Variants in VPS53 observed in about 807,000 individuals in gnomAD.
VPS53 encodes vacuolar protein sorting-associated protein 53 homolog.
Under a neutral mutation model 107.0 loss-of-function variants are expected in VPS53, and 70 were observed. The observed-to-expected ratio is 0.65, with a 90% CI of 0.54 to 0.80. The LOEUF (loss-of-function observed/expected upper bound fraction) is 0.80, where lower values mean the gene tolerates loss of function less well. VPS53 is among the 30% of genes least tolerant of loss of function. The pLI is 0.00. For synonymous variants in VPS53, 409 were observed against 393.3 expected, an observed-to-expected ratio of 1.04 and a Z score of -0.47; for missense variants, 917 against 1,049.4, an observed-to-expected ratio of 0.87 and a Z score of 1.74.
At chr17:690,016 G>A (rs1972724691) in intron 4 of VPS53, among the ~76,000 whole-genome samples, 1 of 151,978 alleles carries the variant, frequency 6.6e-6, no homozygotes, top group South Asian at 2.1e-4. Context: ...CTGTTTTTTG[G>A]GTCTGGCACT....
intron 4 of VPS53, 143 bp from the exon 5 acceptor site, chr17:662,038 A>C (rs1658191671): frequency 8.5e-6 from 6 of 707,270 alleles, no homozygotes; most frequent in Non-Finnish European, 1.4e-5. Flanking sequence ...TTCTGGACCA[A>C]AATAGTAGAG....
intron 11 of VPS53, among the ~76,000 whole-genome samples, chr17:607,819 C>A (rs1968655553): frequency 6.6e-6 from 1 of 152,106 alleles, no homozygotes; most frequent in African/African-American, 2.4e-5. Flanking sequence ...GGATTCCCAG[C>A]ACCTTCAAAA....
chr17:711,357 A>C (rs572516373), intron 1 of VPS53, among the ~76,000 whole-genome samples: 1 of 152,252 alleles, frequency 6.6e-6, no homozygotes, highest in Non-Finnish European at 1.5e-5. Flanking sequence ...AAGCAACTTC[A>C]TCTCTGAAGA....
In VPS53 at chr17:589,202, G is replaced by A. The variant is rs1035485587; in HGVS notation, c.1219-2838C>T. 2.0e-5 allele frequency among the ~76,000 whole-genome samples: 3 copies of A among 151,418 alleles called. No homozygotes were observed. The East Asian group carries it at 5.8e-4, about 29-fold the overall frequency. On this transcript the variant is annotated intron_variant, in intron 12 of 21. Coordinates refer to ENST00000437048, the MANE Select transcript of VPS53 (RefSeq NM_001128159.3). ...TGTTAACATTTAAAAAAATCAACGT[G>A]TATATTTTGCTTTTTTTTTAAATTT...
At chr17:675,316 CG>C (rs1165284266) in intron 4 of VPS53, 16 of 152,154 alleles carry the variant, frequency 1.1e-4, no homozygotes, top group Admixed American at 1.0e-3. Context: ...ACGGTTATCA[CG>C]GAAGTAGGAG....
chr17:709,163 C>A (rs1973535686), intron 2 of VPS53, among the ~76,000 whole-genome samples: 1 of 146,376 alleles, frequency 6.8e-6, no homozygotes, highest in Non-Finnish European at 1.5e-5. Flanking sequence ...TGTCACGGAA[C>A]CTGCCTGGTA....
chr17:601,765 G>A (rs751911636), intron 12 of VPS53, 30 bp downstream of exon 12: 2 of 1,538,354 alleles, frequency 1.3e-6, no homozygotes, highest in Non-Finnish European at 1.8e-6. Context: ...CATTGGGTAG[G>A]TTACCCGTGG....
At chr17:593,459 CAAGAAA>C (rs1160981618) in intron 12 of VPS53, among the ~76,000 whole-genome samples, 3 of 152,096 alleles carry the variant, frequency 2.0e-5, no homozygotes, top group Admixed American at 2.0e-4. Context: ...AACAAATTTA[CAAGAAA>C]AAAACAAACA....
At chr17:573,053 T>C (rs530061831) in intron 13 of VPS53, among the ~76,000 whole-genome samples, 1 of 152,230 alleles carries the variant, frequency 6.6e-6, no homozygotes, top group African/African-American at 2.4e-5. Flanking sequence ...TAAAATAAAA[T>C]AATCAACAAT....
At chr17:665,194 C>A (rs1482495433) in intron 4 of VPS53, among the ~76,000 whole-genome samples, 1 of 152,154 alleles carries the variant, frequency 6.6e-6, no homozygotes, top group Non-Finnish European at 1.5e-5. Context: ...TCTGTTCAGC[C>A]ACTTTCTCGT....
intron 1 of VPS53, 41 bp from the exon 2 acceptor site, chr17:710,654 T>C (rs1234556809): frequency 6.5e-6 from 9 of 1,377,330 alleles, no homozygotes; most frequent in South Asian, 1.2e-5. Context: ...ACATGTAGTA[T>C]ACCGTAAATA....
At chr17:549,467 C>T (rs773541717) in intron 17 of VPS53, among the ~76,000 whole-genome samples, 7 of 149,688 alleles carry the variant, frequency 4.7e-5, no homozygotes, top group Non-Finnish European at 4.4e-5. Flanking sequence ...GGTGTGGGCA[C>T]GGGGCAGAAG....
rs1907923661 is a variant in VPS53 at position 511,213 on chromosome 17, T to C, written c.*7915A>G. The C allele has an allele frequency of 6.6e-6, 1 of 152,212 alleles. No individual in the cohort carries two copies. Among genetic ancestry groups the C allele is most frequent in the African/African-American group, 2.4e-5 (1 of 41,464 alleles). 9.4% of individuals were successfully genotyped at this position (152,212 alleles called of 1,614,324 possible). On this transcript the variant is annotated 3_prime_UTR_variant, in exon 22 of 22. Transcript: ENST00000437048. ...AATGTGGTCTCTGGCAGCTGAGAAGTGCCTTCCTTTTCCATCAGCGCAAGG... is the reference window on the plus strand; with the variant it reads ...AATGTGGTCTCTGGCAGCTGAGAAGCGCCTTCCTTTTCCATCAGCGCAAGG...
chr17:546,592 C>A (rs752800692), intron 17 of VPS53, among the ~76,000 whole-genome samples: 1 of 152,068 alleles, frequency 6.6e-6, no homozygotes, highest in South Asian at 2.1e-4. Flanking sequence ...ATATACAAAT[C>A]GCCAGTAGCA....
chr17:603,070 G>C (rs1176008734), intron 11 of VPS53, among the ~76,000 whole-genome samples: 3 of 152,164 alleles, frequency 2.0e-5, no homozygotes, highest in Non-Finnish European at 2.9e-5. Context: ...ACTATAGCGT[G>C]AATAACTTTG....
At chr17:689,161 C>T (rs1052441543) in intron 4 of VPS53, among the ~76,000 whole-genome samples, 1 of 152,074 alleles carries the variant, frequency 6.6e-6, no homozygotes, top group Non-Finnish European at 1.5e-5. Context: ...CATTTTCCTC[C>T]CAAGAGAGGA....
intron 11 of VPS53, among the ~76,000 whole-genome samples, chr17:606,228 G>A (rs1413008551): frequency 6.6e-6 from 1 of 152,134 alleles, no homozygotes; most frequent in African/African-American, 2.4e-5. Context: ...TCACTTTCTG[G>A]TCTGAGCAAC....
intron 18 of VPS53, 86 bp from the exon 19 acceptor site, chr17:532,997 T>G: frequency 6.6e-7 from 1 of 1,516,280 alleles, no homozygotes; most frequent in Non-Finnish European, 8.9e-7. Flanking sequence ...CGTATCTCCA[T>G]GAAAAAACCT....
chr17:683,180 T>A (rs1038901098), intron 4 of VPS53, among the ~76,000 whole-genome samples: 1 of 152,042 alleles, frequency 6.6e-6, no homozygotes, highest in East Asian at 1.9e-4. Flanking sequence ...CTAAAACACA[T>A]GTAAGTAGAA....
Sources: allele counts gnomAD v4.1 joint callset (sites outside exome capture counted in the v4.1 genomes callset), GRCh38; gene constraint gnomAD v4.1.1; transcripts MANE v1.5; gene names NCBI Gene and HGNC (gene_info 2026-07-23, HGNC 2026-07-21).